The following MAP6 variants were observed in gnomAD, a reference collection of about 807,000 sequenced individuals.
MAP6 encodes microtubule associated protein 6, also known as microtubule-associated protein 6.
Under a neutral mutation model 42.4 loss-of-function variants are expected in MAP6, and 26 were observed. The observed-to-expected ratio is 0.61, with a 90% confidence interval of 0.45 to 0.85. MAP6 has a LOEUF of 0.85. Among genes scored for constraint, MAP6 ranks in the 40% least tolerant of loss-of-function variants. The pLI, the probability that MAP6 is intolerant of heterozygous loss-of-function variation, is 0.00. For synonymous variants in MAP6, 418 were observed against 443.8 expected, an observed-to-expected ratio of 0.94 and a Z score of 0.73; for missense variants, 966 against 1,099.0, an observed-to-expected ratio of 0.88 and a Z score of 1.71.
At chr11:75,606,699 G>A (rs1362968376) in intron 2 of MAP6, among the ~76,000 whole-genome samples, 1 of 152,186 alleles carries the variant, frequency 6.6e-6, no homozygotes, top group African/African-American at 2.4e-5. Context: ...GGCATCTCCA[G>A]TCTCAGCTAG....
At chr11:75,608,395 C>A (rs1942822535) in intron 1 of MAP6, 73 bp from the exon 2 acceptor site, 3 of 1,183,368 alleles carry the variant, frequency 2.5e-6, no homozygotes, top group Non-Finnish European at 3.7e-6. Flanking sequence ...CACAGGGCTG[C>A]AAACACAGCA....
intron 2 of MAP6, 75 bp from the exon 3 acceptor site, chr11:75,606,079 T>C (rs942493430): frequency 1.3e-6 from 2 of 1,530,204 alleles, no homozygotes; most frequent in Non-Finnish European, 8.9e-7. Flanking sequence ...AGAGAAAAGA[T>C]ATGGTTAATT....
intron 1 of MAP6, among the ~76,000 whole-genome samples, chr11:75,627,741 G>A (rs557237201): frequency 6.6e-6 from 1 of 152,174 alleles, no homozygotes; most frequent in Admixed American, 6.5e-5. Context: ...TTTTACAGAT[G>A]AGGAAACAGG....
At chr11:75,642,135 C>G (rs2135660669) in intron 1 of MAP6, among the ~76,000 whole-genome samples, 1 of 152,386 alleles carries the variant, frequency 6.6e-6, no homozygotes, top group South Asian at 2.1e-4. Flanking sequence ...TGTCCATCTA[C>G]TGTAGCCTTA....
intron 2 of MAP6, among the ~76,000 whole-genome samples, chr11:75,606,872 T>C (rs926566471): frequency 7.9e-5 from 12 of 152,182 alleles, no homozygotes; most frequent in Admixed American, 1.3e-4. Context: ...CTCAGGAAAC[T>C]TCGGAGTCAC....
intron 3 of MAP6, among the ~76,000 whole-genome samples, chr11:75,592,841 C>T (rs1340767661): frequency 1.3e-5 from 2 of 152,226 alleles, no homozygotes; most frequent in Non-Finnish European, 2.9e-5. Context: ...CCCCTTCACC[C>T]CTCTCCTTCC....
chr11:75,636,405 CT>C (rs748514107), intron 1 of MAP6, among the ~76,000 whole-genome samples: 149 of 152,292 alleles, frequency 9.8e-4, no homozygotes, highest in African/African-American at 3.1e-3. Flanking sequence ...AGCTTTTCAT[CT>C]TATACAATGC....
At chr11:75,661,660 T>A (rs1461347476) in intron 1 of MAP6, among the ~76,000 whole-genome samples, 1 of 152,064 alleles carries the variant, frequency 6.6e-6, no homozygotes, top group Non-Finnish European at 1.5e-5. Context: ...TAGAAACCCC[T>A]AGCAAACTAA....
chr11:75,639,426 A>G (rs986194858), intron 1 of MAP6, among the ~76,000 whole-genome samples: 2 of 152,228 alleles, frequency 1.3e-5, no homozygotes, highest in Non-Finnish European at 1.5e-5. Context: ...AAAAACCCCA[A>G]CTTGAAAACT....
chr11:75,633,907 T>C (rs1943325805), intron 1 of MAP6, among the ~76,000 whole-genome samples: 1 of 152,146 alleles, frequency 6.6e-6, no homozygotes, highest in Non-Finnish European at 1.5e-5. Flanking sequence ...GGGGAGCGGC[T>C]GGAGGATTTG....
rs148221718 is a variant in MAP6, at chr11:75,634,180, T to C, written c.906-25858A>G. ...TGAGTGAAGAATCTTACACAGAAAGTATGTAAAGAGCGTTAAGAGCACATA... is the reference window on the plus strand; with the variant it reads ...TGAGTGAAGAATCTTACACAGAAAGCATGTAAAGAGCGTTAAGAGCACATA... On this transcript the variant is annotated intron_variant, in intron 1 of 3. Transcript: ENST00000304771. Among the ~76,000 whole-genome samples the C allele has an allele frequency of 5.1e-4, 78 of 152,234 alleles. No homozygotes were observed. The East Asian group carries it at 0.014, about 28-fold the overall frequency.
At chr11:75,590,410 G>A (rs1052403578) in intron 3 of MAP6, among the ~76,000 whole-genome samples, 3 of 152,118 alleles carry the variant, frequency 2.0e-5, no homozygotes, top group African/African-American at 7.2e-5. Context: ...CTGGCCTGGA[G>A]GTCACAAAGA....
intron 1 of MAP6, among the ~76,000 whole-genome samples, chr11:75,633,275 T>G (rs1943312961): frequency 6.6e-6 from 1 of 152,208 alleles, no homozygotes; most frequent in Non-Finnish European, 1.5e-5. Context: ...TCCATGTGCC[T>G]TTTGTTCTTT....
chr11:75,601,311 C>T (rs920400480), intron 3 of MAP6, among the ~76,000 whole-genome samples: 1 of 152,152 alleles, frequency 6.6e-6, no homozygotes, highest in African/African-American at 2.4e-5. Context: ...TCTTTCTTAC[C>T]ACCTCTCTCA....
chr11:75,605,449 GGGA>G (rs1272780389), intron 3 of MAP6: 2 of 1,034,082 alleles, frequency 1.9e-6, no homozygotes, highest in African/African-American at 3.4e-5. Flanking sequence ...TTGGGGATCT[GGGA>G]GGAGGAGACC....
chr11:75,661,604 A>G (rs1441506834), intron 1 of MAP6, among the ~76,000 whole-genome samples: 2 of 152,156 alleles, frequency 1.3e-5, no homozygotes, highest in African/African-American at 2.4e-5. Context: ...TGAGCCTTCA[A>G]TAAGAGAAAA....
rs1942824652 is a variant in MAP6, at chr11:75,608,512, G to T, written c.906-190C>A. Among the ~76,000 whole-genome samples the T allele has an allele frequency of 3.3e-5, 5 of 152,282 alleles. No individual in the cohort carries two copies. The South Asian group carries it at 1.0e-3, about 32-fold the overall frequency. ...CTCCCTTCTTGCAAAGTTGACCCAG[G>T]TTGGGTTGTGGCAATAGCAGTTGTG... is the stretch of plus-strand genomic sequence containing the variant. On this transcript the variant is annotated intron_variant, in intron 1 of 3. Coordinates refer to ENST00000304771, the MANE Select transcript of MAP6 (RefSeq NM_033063.2).
chr11:75,665,997 T>C (rs994812593), intron 1 of MAP6, among the ~76,000 whole-genome samples: 16 of 152,176 alleles, frequency 1.1e-4, no homozygotes, highest in Non-Finnish European at 2.1e-4. Flanking sequence ...CCTCAGCCTA[T>C]GAGAGAGTAT....
chr11:75,592,679 C>A (rs1000498218), intron 3 of MAP6, among the ~76,000 whole-genome samples: 17 of 152,318 alleles, frequency 1.1e-4, no homozygotes, highest in African/African-American at 4.1e-4. Context: ...ACCCATTCTT[C>A]ATACAGAAAT....
Sources: allele counts gnomAD v4.1 joint callset (sites outside exome capture counted in the v4.1 genomes callset), GRCh38; gene constraint gnomAD v4.1.1; transcripts MANE v1.5; gene names NCBI Gene and HGNC (gene_info 2026-07-23, HGNC 2026-07-21).